The following EPS15L1 variants were observed in gnomAD, a reference collection of about 807,000 sequenced individuals.
EPS15L1 encodes the protein epidermal growth factor receptor substrate 15-like 1.
A neutral mutation model predicts 117.1 loss-of-function variants in EPS15L1; 43 were observed. The observed-to-expected ratio is 0.37, with a 90% CI of 0.29 to 0.47. The LOEUF is 0.47. Ranked by LOEUF, EPS15L1 falls within the 20% of genes least tolerant of loss-of-function variation. The probability of loss-of-function intolerance (pLI) is 0.99; values close to 1 mark genes in which losing one functional copy is unlikely to be tolerated. For missense variants in EPS15L1, 981 were observed against 1,164.0 expected (o/e 0.84, Z 2.29); for synonymous variants, 459 against 470.5 (o/e 0.98, Z 0.32).
chr19:16,361,755 C>A, intron 23 of EPS15L1, 24 bp downstream of exon 23: 1 of 1,602,396 alleles, frequency 6.2e-7, no homozygotes, highest in South Asian at 1.1e-5. Context: ...GTGGGGTGGC[C>A]CGGAGGCGGA....
intron 7 of EPS15L1, among the ~76,000 whole-genome samples, chr19:16,429,808 C>T (rs1325948828): frequency 6.6e-6 from 1 of 152,224 alleles, no homozygotes; most frequent in Non-Finnish European, 1.5e-5. Flanking sequence ...GGATCCAGGA[C>T]TCCAACAGGC....
Position 16,385,666 on chromosome 19 carries a change from C to A in EPS15L1, c.2165-455G>T, listed in dbSNP as rs1223701382. 2.0e-5 allele frequency among the ~76,000 whole-genome samples: 3 copies of A among 152,170 alleles called. No individual in the cohort carries two copies. The East Asian group carries it at 5.8e-4, about 29-fold the overall frequency. ...CACTCGCCTATGATACCAAACACTG[C>A]TACCCGCCCCACGCAAGCTGCAGGA... is the stretch of plus-strand genomic sequence containing the variant. On this transcript the variant is annotated intron_variant, in intron 20 of 23. Coordinates refer to ENST00000455140, the MANE Select transcript of EPS15L1 (RefSeq NM_001258374.3).
chr19:16,401,230 A>T (rs1056224843), intron 16 of EPS15L1: 1 of 985,528 alleles, frequency 1.0e-6, no homozygotes, highest in Non-Finnish European at 1.2e-6. Flanking sequence ...CAAGAGACAG[A>T]TGAGCTCGCC....
chr19:16,416,829 C>T (rs1413692863), intron 12 of EPS15L1, among the ~76,000 whole-genome samples: 1 of 151,896 alleles, frequency 6.6e-6, no homozygotes, highest in Non-Finnish European at 1.5e-5. Context: ...GGATGTCATT[C>T]TTGAAGAGGA....
intron 1 of EPS15L1, among the ~76,000 whole-genome samples, chr19:16,446,529 G>A (rs941918232): frequency 6.6e-6 from 1 of 152,106 alleles, no homozygotes; most frequent in Non-Finnish European, 1.5e-5. Context: ...TCCCGACAAC[G>A]CTAAAGGGCA....
chr19:16,362,511 CTTTTTTTTTTTT>C (rs71178690), intron 22 of EPS15L1, among the ~76,000 whole-genome samples: 39 of 56,068 alleles, frequency 7.0e-4, no homozygotes, highest in South Asian at 6.6e-3. Context: ...GGTTTAAGTT[CTTTTTTTTTTTT>C]TTTTTTTTTT....
chr19:16,469,006 C>G (rs1162962141), intron 1 of EPS15L1, among the ~76,000 whole-genome samples: 1 of 152,018 alleles, frequency 6.6e-6, no homozygotes, highest in African/African-American at 2.4e-5. Context: ...GGGGACAGAG[C>G]GAGACCCTGT....
chr19:16,382,280 A>G (rs1410972080), intron 21 of EPS15L1, among the ~76,000 whole-genome samples: 2 of 152,206 alleles, frequency 1.3e-5, no homozygotes, highest in Non-Finnish European at 2.9e-5. Context: ...CCCAATTTTC[A>G]TGACTTCAAG....
In EPS15L1 at chr19:16,388,829, AAAAC is replaced by A. The variant is rs529060341; in HGVS notation, c.2104-2602_2104-2599del. On this transcript the variant is annotated intron_variant, in intron 19 of 23. Transcript: ENST00000455140. The stretch of plus-strand genomic sequence containing the variant: ...GCAACAGAGCAAACTCTGTCTCAAA[AAAAC>A]AAACAAACAAACAAACAAAAACTCT... Among the ~76,000 whole-genome samples, 11 of 152,246 alleles carry A rather than the reference AAAAC, an allele frequency of 7.2e-5. No homozygotes were observed. In the East Asian group the frequency reaches 9.7e-4, roughly 13 times the overall value.
intron 21 of EPS15L1, 105 bp from the exon 22 acceptor site, chr19:16,377,359 C>T: frequency 1.5e-6 from 2 of 1,346,308 alleles, no homozygotes; most frequent in Non-Finnish European, 2.1e-6. Context: ...GCAAGGCCTC[C>T]TACCCTCTGG....
At chr19:16,420,015 C>T (rs534864971) in intron 10 of EPS15L1, among the ~76,000 whole-genome samples, 188 of 152,354 alleles carry the variant, frequency 1.2e-3, no homozygotes, top group Non-Finnish European at 1.8e-3. Flanking sequence ...TCTGCTGACC[C>T]GTACGGTGGC....
At position 16,403,752 on chromosome 19, in the gene EPS15L1, G is replaced by C. The variant is rs750537248; in HGVS notation, c.1607C>G (p.Thr536Arg). Reference protein sequence around the residue: ...LETIIKSLKSTQDEINQARSK... With the variant: ...LETIIKSLKSRQDEINQARSK... ...AAGTACCTGGTTGATTTCGTCTTGCGTTGACTTCAGGGACTTGATGATGGT... is the reference window on the plus strand; with the variant it reads ...AAGTACCTGGTTGATTTCGTCTTGCCTTGACTTCAGGGACTTGATGATGGT... The change falls in exon 15 of 24, where the codon ACG becomes AGG. Residue 536 changes from threonine (T) to arginine (R), a missense_variant. Thr to Arg is a moderately conservative substitution (Grantham distance 71). Around this residue, in one of 5 missense-constraint regions of EPS15L1, gnomAD observed 819 missense variants for 949.0 expected, o/e 0.86. Transcript: ENST00000455140. 3 of 1,613,002 alleles carry C rather than the reference G, an allele frequency of 1.9e-6. No individual in the cohort carries two copies. The highest frequency in any genetic ancestry group is 2.7e-5 in the African/African-American group (2 of 74,898).
chr19:16,378,633 A>G (rs2092325359), intron 21 of EPS15L1, among the ~76,000 whole-genome samples: 1 of 151,806 alleles, frequency 6.6e-6, no homozygotes, highest in South Asian at 2.1e-4. Flanking sequence ...TGCTGCCTCC[A>G]GGCCTGTGAT....
Position 16,421,336 on chromosome 19 carries a change from G to A in EPS15L1, c.933C>T (p.Asn311=). The A allele has an allele frequency of 6.2e-7, 1 of 1,612,632 alleles. No homozygotes were observed. Among genetic ancestry groups the A allele is most frequent in the Non-Finnish European group, 8.5e-7 (1 of 1,178,976 alleles). ...EIFMHSGLTQ[N]LLAHIWALAD... Reference sequence around the variant, plus strand: ...GGCCTTACCATATGTGTGCTAGAAGGTTCTGGGTGAGGCCCGAGTGCATGA... The same window carrying A: ...GGCCTTACCATATGTGTGCTAGAAGATTCTGGGTGAGGCCCGAGTGCATGA... The change falls in exon 10 of 24, where the codon AAC becomes AAT. Residue 311 remains asparagine, a synonymous_variant. Transcript: ENST00000455140.
chr19:16,372,687 G>A (rs924516900), intron 22 of EPS15L1, among the ~76,000 whole-genome samples: 1 of 152,222 alleles, frequency 6.6e-6, no homozygotes, highest in African/African-American at 2.4e-5. Flanking sequence ...TCCCTGTGCC[G>A]CAGGGTGGGG....
chr19:16,372,206 G>A (rs1473097229), intron 22 of EPS15L1, among the ~76,000 whole-genome samples: 2 of 152,148 alleles, frequency 1.3e-5, no homozygotes, highest in African/African-American at 2.4e-5. Flanking sequence ...TCAGCTGTAC[G>A]CTGTGACCGG....
At chr19:16,416,260 C>A (rs775622183) in intron 12 of EPS15L1, among the ~76,000 whole-genome samples, 1 of 152,190 alleles carries the variant, frequency 6.6e-6, no homozygotes, top group Non-Finnish European at 1.5e-5. Flanking sequence ...CAATCTCTTT[C>A]CCACAGAGGG....
Position 16,385,194 on chromosome 19 carries a change from C to G in EPS15L1, c.2182G>C (p.Asp728His). 3 of 1,614,128 alleles carry G rather than the reference C, an allele frequency of 1.9e-6. No homozygotes were observed. The highest frequency in any genetic ancestry group is 2.5e-6 in the Non-Finnish European group (3 of 1,180,006). ...TTGAAGGACCCACTTCCGAAGGGAT[C>G]TAAGGTTCCAAAGGGATCTGCAATC... The part of the protein sequence containing the change: ...SKGSDPFGTL[D>H]PFGSGSFNSA... Residue 728 changes from aspartate to histidine, a missense_variant, in exon 21 of 24, where the codon GAT (aspartate) becomes CAT (histidine). Physicochemically the swap from Asp to His is moderately conservative, Grantham distance 81. Around this residue, in one of 5 missense-constraint regions of EPS15L1, gnomAD observed 819 missense variants for 949.0 expected, o/e 0.86. Coordinates refer to ENST00000455140, the MANE Select transcript of EPS15L1 (RefSeq NM_001258374.3).
chr19:16,467,249 A>G (rs1395739136), intron 1 of EPS15L1, among the ~76,000 whole-genome samples: 1 of 151,710 alleles, frequency 6.6e-6, no homozygotes, highest in Non-Finnish European at 1.5e-5. Flanking sequence ...CCTGGGTTCA[A>G]GTGATTCTCC....
Sources: gnomAD v4.1 joint callset for allele counts (sites outside exome capture counted in the v4.1 genomes callset) on GRCh38, gnomAD v4.1.1 for gene constraint, gnomAD v4.1.1 regional missense constraint, MANE v1.5 for transcripts, NCBI Gene and HGNC (gene_info 2026-07-23, HGNC 2026-07-21) for gene names.